The following SYNE1 variants were observed in gnomAD, a reference collection of about 807,000 sequenced individuals.
SYNE1 encodes the protein nesprin-1.
SYNE1 carries 616 observed loss-of-function variants against 1,111.0 expected under a neutral mutation model. The observed-to-expected ratio is 0.55, with a 90% CI of 0.52 to 0.59. SYNE1 has a LOEUF of 0.59. SYNE1 is among the 20% of genes least tolerant of loss of function. The probability of loss-of-function intolerance (pLI) is 0.00; values close to 1 mark genes in which losing one functional copy is unlikely to be tolerated. For synonymous variants in SYNE1, 3,855 were observed against 3,825.8 expected (o/e 1.01, Z -0.28); for missense variants, 10,006 against 10,417.0 (o/e 0.96, Z 1.72).
Position 152,395,541 on chromosome 6 carries a change from A to G in SYNE1, c.7687T>C (p.Phe2563Leu). 6.2e-7 allele frequency: 1 copy of G among 1,613,916 alleles called. No individual in the cohort carries two copies. ...KKNEVHKVEM[F>L]LGELLAARES... ...CTTGCAGCCAGCAGTTCTCCCAAAA[A>G]CATTTCAACTTTATGAACTTCATTT... The change falls in exon 51 of 146, where the codon TTT (phenylalanine) becomes CTT (leucine). Residue 2563 changes from phenylalanine (F) to leucine (L), a missense_variant. Coordinates refer to ENST00000367255, the MANE Select transcript of SYNE1 (RefSeq NM_182961.4).
At chr6:152,592,685 A>C (rs1290069038) in intron 3 of SYNE1, among the ~76,000 whole-genome samples, 1 of 152,210 alleles carries the variant, frequency 6.6e-6, no homozygotes, top group Non-Finnish European at 1.5e-5. Flanking sequence ...ACAAATCTGC[A>C]CAGGTACCCT....
intron 127 of SYNE1, among the ~76,000 whole-genome samples, chr6:152,201,387 T>A (rs937598021): frequency 6.6e-6 from 1 of 152,162 alleles, no homozygotes; most frequent in African/African-American, 2.4e-5. Flanking sequence ...ATAAGCTATT[T>A]TTCCCCCTTT....
In SYNE1 at chr6:152,369,591, G is replaced by A; in HGVS notation, c.9531C>T (p.Asp3177=). ...ALENLKIQMK[D]FEVSAEPIQD... ...GGATAGGCTCAGCACTTACTTCAAAGTCCTTCATTTGGATCTTTAGATTCT... is the reference window on the plus strand; with the variant it reads ...GGATAGGCTCAGCACTTACTTCAAAATCCTTCATTTGGATCTTTAGATTCT... Residue 3177 remains aspartate, a synonymous_variant, in exon 60 of 146, where the codon GAC becomes GAT. Transcript: ENST00000367255. 1 of 1,614,138 alleles carries A rather than the reference G, an allele frequency of 6.2e-7. No homozygotes were observed. Among genetic ancestry groups the A allele is most frequent in the Non-Finnish European group, 8.5e-7 (1 of 1,180,014 alleles).
rs372298749 is a variant in SYNE1, at chr6:152,331,109, C to G, written c.13576G>C (p.Glu4526Gln). The G allele has an allele frequency of 3.1e-6, 5 of 1,614,176 alleles. No individual in the cohort carries two copies. Among genetic ancestry groups the G allele is most frequent in the Non-Finnish European group, 4.2e-6 (5 of 1,180,040 alleles). ...QGRELMKEVT[E>Q]QEKSEVLGKL... Reference sequence around the variant, plus strand: ...CCCAGCACTTCACTCTTTTCCTGCTCTGTGACTTCCTTCATTAGTTCGCGA... The same window carrying G: ...CCCAGCACTTCACTCTTTTCCTGCTGTGTGACTTCCTTCATTAGTTCGCGA... Residue 4526 changes from glutamate to glutamine, a missense_variant, in exon 78 of 146, where the codon GAG (glutamate) becomes CAG (glutamine). This residue lies in a region of SYNE1 where 4,955 missense variants were observed against 5,017.2 expected (regional missense o/e 0.99). Transcript: ENST00000367255.
chr6:152,428,485 T>A (rs372875907), intron 36 of SYNE1, 93 bp from the exon 37 acceptor site: 2 of 1,254,028 alleles, frequency 1.6e-6, no homozygotes, highest in South Asian at 1.2e-5. Context: ...ATATTTTCCC[T>A]CAGTCATAAT....
At position 152,255,592 on chromosome 6, in the gene SYNE1, T is replaced by C. The variant is rs2090622400; in HGVS notation, c.19259A>G (p.Glu6420Gly). 1.9e-6 allele frequency: 3 copies of C among 1,614,100 alleles called. No individual in the cohort carries two copies. Among genetic ancestry groups the C allele is most frequent in the Middle Eastern group, 1.6e-4 (1 of 6,084 alleles). Residue 6420 changes from glutamate (E) to glycine (G), a missense_variant and splice_region_variant, in exon 103 of 146, where the codon GAG becomes GGG. Physicochemically the swap from Glu to Gly is moderately conservative, Grantham distance 98. Transcript: ENST00000367255. ...ACAGGCAGGAACTACTAAACCTACC[T>C]CTTGGTTGAAGAGACAAGTCTCTGT... ...EETETCLFNQ[E>G]ILAKDIKEMS...
chr6:152,223,387 T>G (rs1285489917), intron 117 of SYNE1, among the ~76,000 whole-genome samples: 1 of 152,060 alleles, frequency 6.6e-6, no homozygotes, highest in Non-Finnish European at 1.5e-5. Flanking sequence ...TTTGGGAGGC[T>G]GAGGCATGTG....
chr6:152,465,672 T>C (rs749016954), intron 17 of SYNE1, among the ~76,000 whole-genome samples: 5 of 152,128 alleles, frequency 3.3e-5, no homozygotes, highest in Non-Finnish European at 7.4e-5. Flanking sequence ...TTTACTTGAT[T>C]GGTAATCCTT....
rs1274493054 is a variant in SYNE1 at position 152,236,279 on chromosome 6, A to G, written c.20224T>C (p.Tyr6742His). 5.6e-6 allele frequency: 9 copies of G among 1,613,660 alleles called. No homozygotes were observed. Among genetic ancestry groups the G allele is most frequent in the East Asian group, 4.5e-5 (2 of 44,882 alleles). ...AATACTTGATATAATTTGGGCTGGTATTCATTAAGGCTAGATTTTAAATGC... is the reference window on the plus strand; with the variant it reads ...AATACTTGATATAATTTGGGCTGGTGTTCATTAAGGCTAGATTTTAAATGC... ...YQHLKSSLNE[Y>H]QPKLYQVLDD... The change falls in exon 110 of 146, where the codon TAC (tyrosine) becomes CAC (histidine). Residue 6742 changes from tyrosine (Y) to histidine (H), a missense_variant. Physicochemically the swap from Tyr to His is moderately conservative, Grantham distance 83. Around this residue, in one of 7 missense-constraint regions of SYNE1, gnomAD observed 2,182 missense variants for 2,287.8 expected, o/e 0.95. Coordinates refer to ENST00000367255, the MANE Select transcript of SYNE1 (RefSeq NM_182961.4).
chr6:152,336,755 A>T (rs1471396900), intron 76 of SYNE1, 86 bp downstream of exon 76: 1 of 1,495,060 alleles, frequency 6.7e-7, no homozygotes, highest in South Asian at 1.1e-5. Context: ...ACACTCAGGC[A>T]TATTGAAGTG....
intron 104 of SYNE1, among the ~76,000 whole-genome samples, chr6:152,250,031 C>T (rs73005470): frequency 0.013 from 1,911 of 151,866 alleles, 20 homozygotes; most frequent in South Asian, 0.023. Context: ...TTTTGGGTGC[C>T]TGAGGCAGAT....
At chr6:152,328,667 C>T (rs1194793847) in intron 78 of SYNE1, among the ~76,000 whole-genome samples, 1 of 152,134 alleles carries the variant, frequency 6.6e-6, no homozygotes, top group Non-Finnish European at 1.5e-5. Context: ...CCACCTCACC[C>T]TCCCAAAGTG....
chr6:152,487,715 T>C (rs1405091417), intron 12 of SYNE1, among the ~76,000 whole-genome samples: 2 of 152,192 alleles, frequency 1.3e-5, no homozygotes, highest in African/African-American at 2.4e-5. Flanking sequence ...GTTTATTTTA[T>C]ACTAATTTTC....
At chr6:152,341,750 C>T (rs2096538452) in intron 74 of SYNE1, among the ~76,000 whole-genome samples, 1 of 152,134 alleles carries the variant, frequency 6.6e-6, no homozygotes, top group Non-Finnish European at 1.5e-5. Flanking sequence ...ATGTCGTCAG[C>T]AGATTCTTGG....
At chr6:152,518,885 AAGC>A (rs1236415830) in intron 6 of SYNE1, among the ~76,000 whole-genome samples, 1 of 151,758 alleles carries the variant, frequency 6.6e-6, no homozygotes, top group Non-Finnish European at 1.5e-5. Context: ...AGAGAGAGAG[AAGC>A]ACAGATATAT....
chr6:152,350,168 C>G lies in SYNE1; in HGVS notation c.11901G>C (p.Lys3967Asn). The change falls in exon 72 of 146, where the codon AAG (lysine) becomes AAC (asparagine). Residue 3967 changes from lysine (K) to asparagine (N), a missense_variant and splice_region_variant. Lys to Asn is a moderately conservative substitution (Grantham distance 94). Coordinates refer to ENST00000367255, the MANE Select transcript of SYNE1 (RefSeq NM_182961.4). ...GCAGCCCTTTAAAGGTCAGGGGTAC[C>G]TTGTGGTGGGCCAATTGCTGGGTGA... is the stretch of plus-strand genomic sequence containing the variant. ...ETITQQLAHH[K>N]AMMEEIAGFE... 6.2e-7 allele frequency: 1 copy of G among 1,613,118 alleles called. No individual in the cohort carries two copies. The highest frequency in any genetic ancestry group is 8.5e-7 in the Non-Finnish European group (1 of 1,180,020).
intron 55 of SYNE1, 29 bp from the exon 56 acceptor site, chr6:152,381,391 AAGAGCCTGTG>A: frequency 6.2e-7 from 1 of 1,607,382 alleles, no homozygotes; most frequent in Non-Finnish European, 8.5e-7. Context: ...ATGGTAACTG[AAGAGCCTGTG>A]AGTCACTTGG....
rs763235572 is a variant in SYNE1, at chr6:152,151,582, C to A, written c.24421G>T (p.Asp8141Tyr). 3 of 1,614,082 alleles carry A rather than the reference C, an allele frequency of 1.9e-6. No individual in the cohort carries two copies. Among genetic ancestry groups the A allele is most frequent in the Non-Finnish European group, 1.7e-6 (2 of 1,180,010 alleles). ...AGTTGCTTTATTTTAGCTTGAACATCACACTCAGAAAAATGTTCAATATTA... is the reference window on the plus strand; with the variant it reads ...AGTTGCTTTATTTTAGCTTGAACATAACACTCAGAAAAATGTTCAATATTA... ...LTNIEHFSEC[D>Y]VQAKIKQLKA... is the part of the protein sequence containing the mutation. Residue 8141 changes from aspartate to tyrosine, a missense_variant, in exon 135 of 146, where the codon GAT becomes TAT. Asp to Tyr is a radical substitution (Grantham distance 160). This residue lies in a region of SYNE1 where 34 missense variants were observed against 68.3 expected (regional missense o/e 0.50). Transcript: ENST00000367255.
chr6:152,435,712 T>A (rs1457612576), intron 33 of SYNE1: 1 of 586,200 alleles, frequency 1.7e-6, no homozygotes, highest in Non-Finnish European at 3.0e-6. Flanking sequence ...ATGAACATGA[T>A]CAGTTTAAGA....
Sources: allele counts gnomAD v4.1 joint callset (sites outside exome capture counted in the v4.1 genomes callset), GRCh38; gene constraint gnomAD v4.1.1; regional missense constraint gnomAD v4.1.1; transcripts MANE v1.5; gene names NCBI Gene and HGNC (gene_info 2026-07-23, HGNC 2026-07-21).